The following AKAP10 variants were observed in gnomAD, a reference collection of about 807,000 sequenced individuals.
AKAP10 encodes the protein A-kinase anchoring protein 10.
AKAP10 carries 24 observed loss-of-function variants against 80.8 expected under a neutral mutation model. The observed-to-expected ratio is 0.30, with a 90% confidence interval of 0.22 to 0.42. The LOEUF (loss-of-function observed/expected upper bound fraction) is 0.42. Ranked by LOEUF, AKAP10 falls within the 10% of genes least tolerant of loss-of-function variation. AKAP10 has a pLI of 1.00. For synonymous variants in AKAP10, 291 were observed against 277.7 expected, an observed-to-expected ratio of 1.05 and a Z score of -0.48; for missense variants, 661 against 794.9, an observed-to-expected ratio of 0.83 and a Z score of 2.03.
chr17:19,958,496 T>C lies in AKAP10; in HGVS notation c.395A>G (p.Asp132Gly). 6.2e-7 allele frequency: 1 copy of C among 1,613,282 alleles called. No individual in the cohort carries two copies. Among genetic ancestry groups the C allele is most frequent in the South Asian group, 1.1e-5 (1 of 91,090 alleles). ...LSKTLEQVLHDTIVLPYFIQF... is the reference protein window; with the variant it reads ...LSKTLEQVLHGTIVLPYFIQF... ...AATGAAGTAAGGGAGGACAATAGTGTCGTGCAAGACTTGTTCAAGGGTCTT... is the reference window on the plus strand; with the variant it reads ...AATGAAGTAAGGGAGGACAATAGTGCCGTGCAAGACTTGTTCAAGGGTCTT... Residue 132 changes from aspartate (D) to glycine (G), a missense_variant, in exon 4 of 15, where the codon GAC becomes GGC. Physicochemically the swap from Asp to Gly is moderately conservative, Grantham distance 94 (BLOSUM62 -1). Coordinates refer to ENST00000225737, the MANE Select transcript of AKAP10 (RefSeq NM_007202.4).
intron 9 of AKAP10, 142 bp from the exon 10 acceptor site, chr17:19,932,120 C>G (rs1003013731): frequency 2.5e-6 from 2 of 791,804 alleles, no homozygotes. Context: ...TGTTGTACTA[C>G]AAGTATTATC....
intron 8 of AKAP10, among the ~76,000 whole-genome samples, chr17:19,938,746 T>G (rs960696720): frequency 3.3e-5 from 5 of 151,850 alleles, no homozygotes; most frequent in Admixed American, 6.6e-5. Flanking sequence ...TTTTTTTTTT[T>G]TGGAGACAGG....
chr17:19,944,395 T>C (rs2043081283), intron 5 of AKAP10, among the ~76,000 whole-genome samples: 1 of 152,160 alleles, frequency 6.6e-6, no homozygotes, highest in South Asian at 2.1e-4. Context: ...TATATGCCTG[T>C]AACCTCAGCA....
chr17:19,909,309 T>C (rs774603625), intron 13 of AKAP10, 33 bp from the exon 14 acceptor site: 3 of 1,573,378 alleles, frequency 1.9e-6, no homozygotes, highest in Non-Finnish European at 2.6e-6. Flanking sequence ...GTGATAATGG[T>C]TATTCATTAG....
chr17:19,925,970 G>A (rs2042871606), intron 10 of AKAP10, among the ~76,000 whole-genome samples: 1 of 152,154 alleles, frequency 6.6e-6, no homozygotes. Flanking sequence ...CTTTGGAATG[G>A]AAGAGAATCA....
At chr17:19,935,648 A>G (rs1469719350) in intron 9 of AKAP10, among the ~76,000 whole-genome samples, 1 of 151,922 alleles carries the variant, frequency 6.6e-6, no homozygotes, top group Non-Finnish European at 1.5e-5. Flanking sequence ...TTTGTTAAAA[A>G]CTAAGACAAA....
chr17:19,918,032 C>A (rs993213885), intron 12 of AKAP10, among the ~76,000 whole-genome samples: 2 of 151,516 alleles, frequency 1.3e-5, no homozygotes, highest in African/African-American at 4.9e-5. Context: ...CCAGCCTGGC[C>A]AACATGGTGA....
At chr17:19,922,403 A>G (rs561363870) in intron 11 of AKAP10, among the ~76,000 whole-genome samples, 2 of 152,262 alleles carry the variant, frequency 1.3e-5, no homozygotes, top group African/African-American at 4.8e-5. Flanking sequence ...ACTAAAACAT[A>G]TATTAAAACC....
At chr17:19,917,246 CAGA>C (rs897200096) in intron 12 of AKAP10, among the ~76,000 whole-genome samples, 1 of 151,528 alleles carries the variant, frequency 6.6e-6, no homozygotes, top group Admixed American at 6.6e-5. Context: ...GCCTGGCCGA[CAGA>C]GAGAGACTCC....
At chr17:19,936,217 C>CA (rs1165098423) in intron 9 of AKAP10, 69 bp downstream of exon 9, 15 of 1,522,312 alleles carry the variant, frequency 9.9e-6, no homozygotes, top group African/African-American at 2.8e-5. Flanking sequence ...TTGGTTTTCC[C>CA]ACCTTATATT....
chr17:19,936,840 T>A (rs1264377281), intron 8 of AKAP10, among the ~76,000 whole-genome samples: 4 of 152,186 alleles, frequency 2.6e-5, no homozygotes, highest in African/African-American at 9.7e-5. Context: ...TGAGAACTTG[T>A]ATGCACAGAA....
intron 10 of AKAP10, 31 bp downstream of exon 10, chr17:19,931,774 C>G: frequency 6.3e-7 from 1 of 1,586,800 alleles, no homozygotes; most frequent in East Asian, 2.2e-5. Flanking sequence ...GTATGCTTTT[C>G]TCCCTAATGG....
At chr17:19,910,118 A>G in intron 12 of AKAP10, 140 bp from the exon 13 acceptor site, 1 of 693,648 alleles carries the variant, frequency 1.4e-6, no homozygotes, top group Non-Finnish European at 2.4e-6. Context: ...ACCTGAGGTT[A>G]AGAGTTCAAG....
At chr17:19,908,915 C>G (rs1044132614) in intron 14 of AKAP10, among the ~76,000 whole-genome samples, 1 of 152,242 alleles carries the variant, frequency 6.6e-6, no homozygotes, top group African/African-American at 2.4e-5. Flanking sequence ...GCCACTGCAC[C>G]TGGCCTGAAC....
intron 4 of AKAP10, among the ~76,000 whole-genome samples, chr17:19,948,629 T>C (rs2043163021): frequency 6.6e-6 from 1 of 152,048 alleles, no homozygotes; most frequent in African/African-American, 2.4e-5. Flanking sequence ...GCCCTGACTT[T>C]CTAGCCAGAC....
Position 19,962,889 on chromosome 17 carries a change from T to A in AKAP10, c.270A>T (p.Thr90=), listed in dbSNP as rs2043370252. 1.2e-6 allele frequency: 2 copies of A among 1,614,124 alleles called. No individual in the cohort carries two copies. The highest frequency in any genetic ancestry group is 1.7e-5 in the Admixed American group (1 of 60,010). The change falls in exon 3 of 15, where the codon ACA becomes ACT. Residue 90 remains threonine (T), a synonymous_variant. Coordinates refer to ENST00000225737, the MANE Select transcript of AKAP10 (RefSeq NM_007202.4). ...MDSFSSSRTA[T]LKKQPSHMEA... ...CCATGTGGCTTGGCTGCTTCTTAAGTGTGGCTGTCCTGCTACTTGAAAAGG... is the reference window on the plus strand; with the variant it reads ...CCATGTGGCTTGGCTGCTTCTTAAGAGTGGCTGTCCTGCTACTTGAAAAGG...
At chr17:19,943,118 G>A (rs1249185078) in intron 5 of AKAP10, among the ~76,000 whole-genome samples, 2 of 152,058 alleles carry the variant, frequency 1.3e-5, no homozygotes, top group Non-Finnish European at 2.9e-5. Context: ...TGATCTCATG[G>A]CCTGAAACGA....
At chr17:19,971,849 C>G (rs1253669840) in intron 1 of AKAP10, among the ~76,000 whole-genome samples, 1 of 152,206 alleles carries the variant, frequency 6.6e-6, no homozygotes, top group African/African-American at 2.4e-5. Context: ...GGAGCATTGG[C>G]TCACGCCTCT....
chr17:19,951,115 G>T (rs528613403), intron 4 of AKAP10, among the ~76,000 whole-genome samples: 1 of 149,394 alleles, frequency 6.7e-6, no homozygotes, highest in Admixed American at 6.6e-5. Flanking sequence ...CAGCCCGGCA[G>T]CCGCCCCGTC....
Sources: allele counts gnomAD v4.1 joint callset (sites outside exome capture counted in the v4.1 genomes callset), GRCh38; gene constraint gnomAD v4.1.1; transcripts MANE v1.5; gene names NCBI Gene and HGNC (gene_info 2026-07-23, HGNC 2026-07-21).